Variants in VAV2 observed in about 807,000 individuals in gnomAD.
VAV2 encodes vav guanine nucleotide exchange factor 2, also known as guanine nucleotide exchange factor VAV2.
A neutral mutation model predicts 132.5 loss-of-function variants in VAV2; 67 were observed. That is an observed-to-expected ratio of 0.51 (90% confidence interval 0.42 to 0.62). The LOEUF is 0.62. Ranked by LOEUF, VAV2 falls within the 20% of genes least tolerant of loss-of-function variation. The pLI, the probability that VAV2 is intolerant of heterozygous loss-of-function variation, is 0.00. For synonymous variants in VAV2, 492 were observed against 443.5 expected (o/e 1.11, Z -1.37); for missense variants, 938 against 1,153.6 (o/e 0.81, Z 2.71).
Position 133,812,222 on chromosome 9 carries a change from C to A in VAV2, c.450-6G>T, listed in dbSNP as rs1381578609. 8.7e-6 allele frequency: 14 copies of A among 1,613,394 alleles called. No individual in the cohort carries two copies. Among genetic ancestry groups the A allele is most frequent in the Non-Finnish European group, 1.1e-5 (13 of 1,179,906 alleles). On this transcript the variant is annotated splice_region_variant and splice_polypyrimidine_tract_variant and intron_variant, in intron 4 of 29. Coordinates refer to ENST00000371850, the MANE Select transcript of VAV2 (RefSeq NM_001134398.2). Reference sequence around the variant, plus strand: ...CCTCCCCCAGGTCATGCTCGCTGCACAGGAGGAGGCGGGTTAGAGGGGAGG... The same window carrying A: ...CCTCCCCCAGGTCATGCTCGCTGCAAAGGAGGAGGCGGGTTAGAGGGGAGG...
rs991932557 is a variant in VAV2, at chr9:133,857,984, C to T, written c.380+3390G>A. Among the ~76,000 whole-genome samples the T allele has an allele frequency of 6.6e-6, 1 of 152,220 alleles. No homozygotes were observed. Among genetic ancestry groups the T allele is most frequent in the Admixed American group, 6.5e-5 (1 of 15,290 alleles). On this transcript the variant is annotated intron_variant, in intron 3 of 29. Transcript: ENST00000371850. The surrounding 1 kb of genome is among the most constrained non-coding windows in gnomAD (Gnocchi z 4.0). The stretch of plus-strand genomic sequence containing the variant: ...GAGGCCCTTCCCTTTGGCCTGCAAA[C>T]ACCTCCCCTTCGTCTCTCATGTCTG...
chr9:133,971,317 G>A (rs184862962), intron 1 of VAV2, among the ~76,000 whole-genome samples: 73 of 152,204 alleles, frequency 4.8e-4, no homozygotes, highest in South Asian at 2.7e-3. Context: ...GGGTCGCCAC[G>A]GCAGCCCAGG....
At position 133,840,350 on chromosome 9, in the gene VAV2, T is replaced by G. The variant is rs901426943; in HGVS notation, c.381-6010A>C. ...AGAGAAATCCCCAGCAGAGCCCGCG[T>G]TGGGCAGCAGCCCCTCCTCCCAAAC... On this transcript the variant is annotated intron_variant, in intron 3 of 29. Transcript: ENST00000371850. This position sits in a 1 kb window ranked among gnomAD's most constrained non-coding sequence, Gnocchi z 4.5. Among the ~76,000 whole-genome samples, 5 of 152,192 alleles carry G rather than the reference T, an allele frequency of 3.3e-5. No homozygotes were observed. Among genetic ancestry groups the G allele is most frequent in the African/African-American group, 9.6e-5 (4 of 41,528 alleles).
chr9:133,978,952 C>T (rs988366212), intron 1 of VAV2, among the ~76,000 whole-genome samples: 1 of 152,260 alleles, frequency 6.6e-6, no homozygotes, highest in East Asian at 1.9e-4. Flanking sequence ...GGGGGCTCAT[C>T]AGAGCTGAGG....
intron 1 of VAV2, among the ~76,000 whole-genome samples, chr9:133,940,852 G>A (rs527376057): frequency 6.6e-6 from 1 of 151,506 alleles, no homozygotes; most frequent in East Asian, 1.9e-4. Context: ...ACACCACACG[G>A]TTATCTTATC....
chr9:133,831,057 A>G (rs769301506), intron 4 of VAV2, among the ~76,000 whole-genome samples: 5 of 152,168 alleles, frequency 3.3e-5, no homozygotes, highest in Admixed American at 6.5e-5. Context: ...GGTTCCCCAG[A>G]GCTGCTTTTC....
chr9:133,764,179 T>C, intron 29 of VAV2, 70 bp from the exon 30 acceptor site: 1 of 1,598,338 alleles, frequency 6.3e-7, no homozygotes, highest in Non-Finnish European at 8.6e-7. Context: ...CATGTCTATG[T>C]TGGGGTGAGG....
intron 5 of VAV2, among the ~76,000 whole-genome samples, chr9:133,811,595 C>A (rs1374061076): frequency 1.3e-5 from 2 of 152,230 alleles, no homozygotes; most frequent in Admixed American, 6.5e-5. Context: ...AAACTGGCGT[C>A]CGAGAGATTA....
At chr9:133,849,087 G>A (rs10993822) in intron 3 of VAV2, among the ~76,000 whole-genome samples, 18,798 of 152,248 alleles carry the variant, frequency 0.12, 1,317 homozygotes, top group South Asian at 0.17. Context: ...GGCGGCCTTG[G>A]TTTGTTTTGC....
intron 3 of VAV2, among the ~76,000 whole-genome samples, chr9:133,841,359 G>A (rs1327702592): frequency 6.6e-6 from 1 of 152,010 alleles, no homozygotes; most frequent in East Asian, 1.9e-4. Flanking sequence ...ACCCCATGTG[G>A]CAGCGAACTC....
intron 1 of VAV2, among the ~76,000 whole-genome samples, chr9:133,957,416 T>C (rs1841818674): frequency 1.3e-5 from 2 of 152,228 alleles, no homozygotes; most frequent in South Asian, 4.1e-4. Flanking sequence ...TCTGGGTTTT[T>C]AGGGGTTTTT....
chr9:133,778,813 C>G lies in VAV2; in HGVS notation c.1839G>C (p.Thr613=), dbSNP rs145229236. 2,498 of 1,613,110 alleles carry G rather than the reference C, an allele frequency of 1.5e-3. 47 individuals carry two copies. The African/African-American group carries it at 0.03, about 20-fold the overall frequency. ...PPGKPVLTFQ[T]GDVLELLRGD... ...CCCTCAGCAGCTCAAGCACGTCGCCCGTCTGGAAGGTCAGCACAGGCTTCC... is the reference window on the plus strand; with the variant it reads ...CCCTCAGCAGCTCAAGCACGTCGCCGGTCTGGAAGGTCAGCACAGGCTTCC... The change falls in exon 22 of 30, where the codon ACG becomes ACC. Residue 613 remains threonine (T), a synonymous_variant. Transcript: ENST00000371850.
intron 3 of VAV2, among the ~76,000 whole-genome samples, chr9:133,841,639 A>C (rs1225396027): frequency 6.6e-6 from 1 of 152,200 alleles, no homozygotes; most frequent in African/African-American, 2.4e-5. Context: ...GCCACAGAAC[A>C]GACCCCAGCA....
Position 133,939,050 on chromosome 9 carries a change from G to A in VAV2, c.321+53C>T, listed in dbSNP as rs567352172. ...ATCTGGCCCACCTGCCGCTGAGCCGGCAAATCGGCCACCACAGCTGAGCGA... is the reference window on the plus strand; with the variant it reads ...ATCTGGCCCACCTGCCGCTGAGCCGACAAATCGGCCACCACAGCTGAGCGA... On this transcript the variant is annotated intron_variant, in intron 2 of 29. Transcript: ENST00000371850. 1.5e-5 allele frequency: 24 copies of A among 1,553,054 alleles called. No individual in the cohort carries two copies. In the African/African-American group the frequency reaches 1.9e-4, roughly 12 times the overall value.
intron 1 of VAV2, among the ~76,000 whole-genome samples, chr9:133,989,705 A>G (rs1405322057): frequency 6.6e-6 from 1 of 152,166 alleles, no homozygotes; most frequent in African/African-American, 2.4e-5. Flanking sequence ...AAAAAAAGTG[A>G]GTTTCCCAGA....
chr9:133,966,727 A>G (rs1365782893), intron 1 of VAV2, among the ~76,000 whole-genome samples: 1 of 150,932 alleles, frequency 6.6e-6, no homozygotes, highest in African/African-American at 2.4e-5. Flanking sequence ...TAAAACTTTA[A>G]AAAAAAAAAG....
At chr9:133,958,413 T>C (rs2132213049) in intron 1 of VAV2, among the ~76,000 whole-genome samples, 1 of 150,082 alleles carries the variant, frequency 6.7e-6, no homozygotes, top group South Asian at 2.2e-4. Context: ...GAGATGTTTA[T>C]GTGTATGCAT....
rs1046481367 is a variant in VAV2 at position 133,788,179 on chromosome 9, C to T, written c.1407+175G>A. ...CTGCTATGAGCAGTGGTCACGACGGCGAGGCAGTGACTCAGAGAGGAGCCT... is the reference window on the plus strand; with the variant it reads ...CTGCTATGAGCAGTGGTCACGACGGTGAGGCAGTGACTCAGAGAGGAGCCT... On this transcript the variant is annotated intron_variant, in intron 15 of 29. Transcript: ENST00000371850. The surrounding 1 kb of genome is among the most constrained non-coding windows in gnomAD (Gnocchi z 5.3). Among the ~76,000 whole-genome samples, 42 of 152,286 alleles carry T rather than the reference C, an allele frequency of 2.8e-4. No individual in the cohort carries two copies. Among genetic ancestry groups the T allele is most frequent in the African/African-American group, 3.4e-4 (14 of 41,560 alleles).
chr9:133,966,772 T>C (rs1015129605), intron 1 of VAV2, among the ~76,000 whole-genome samples: 9 of 151,994 alleles, frequency 5.9e-5, no homozygotes, highest in African/African-American at 2.2e-4. Flanking sequence ...CGATGGCTCA[T>C]GCCTGTAATC....
Sources: gnomAD v4.1 joint callset for allele counts (sites outside exome capture counted in the v4.1 genomes callset) on GRCh38, gnomAD v4.1.1 for gene constraint, Gnocchi (gnomAD v3.1) non-coding constraint, MANE v1.5 for transcripts, NCBI Gene and HGNC (gene_info 2026-07-23, HGNC 2026-07-21) for gene names.